PCMTD1: variants seen among roughly 807,000 people sequenced by gnomAD.
The protein encoded by PCMTD1 is protein-L-isoaspartate (D-aspartate) O-methyltransferase domain containing 1, also known as protein-L-isoaspartate O-methyltransferase domain-containing protein 1.
In PCMTD1, 12 loss-of-function variants were observed where a neutral mutation model predicts 37.6. The ratio of observed to expected loss-of-function variants is 0.32; its 90% confidence interval spans 0.20 to 0.52. PCMTD1 has a LOEUF of 0.52. Ranked by LOEUF, PCMTD1 falls within the 20% of genes least tolerant of loss-of-function variation. The pLI, the probability that PCMTD1 is intolerant of heterozygous loss-of-function variation, is 0.97. For synonymous variants in PCMTD1, 117 were observed against 135.8 expected (o/e 0.86, Z 0.96); for missense variants, 235 against 421.3 (o/e 0.56, Z 3.87).
intron 1 of PCMTD1, among the ~76,000 whole-genome samples, chr8:51,866,860 T>C (rs1373763818): frequency 6.6e-6 from 1 of 151,866 alleles, no homozygotes; most frequent in African/African-American, 2.4e-5. Flanking sequence ...TGATAACATA[T>C]ATTGAAAAAA....
chr8:51,896,323 C>T (rs950829580), intron 1 of PCMTD1: 44 of 152,166 alleles, frequency 2.9e-4, no homozygotes, highest in African/African-American at 1.0e-3. Flanking sequence ...TTATGACACC[C>T]TATTGTCTGT....
intron 1 of PCMTD1, among the ~76,000 whole-genome samples, chr8:51,866,711 T>G (rs533191113): frequency 5.3e-5 from 8 of 152,116 alleles, no homozygotes; most frequent in Admixed American, 5.2e-4. Context: ...TCCATTACAT[T>G]AGTCTGGGCA....
At chr8:51,827,964 G>A (rs7000570) in intron 5 of PCMTD1, among the ~76,000 whole-genome samples, 145,871 of 152,226 alleles carry the variant, frequency 0.96, 70,039 homozygotes, top group East Asian at 1. Context: ...CAAAATGCAA[G>A]TTGTGCATTC....
chr8:51,873,897 CTTT>C (rs923915180), intron 1 of PCMTD1, among the ~76,000 whole-genome samples: 2 of 148,468 alleles, frequency 1.3e-5, no homozygotes, highest in African/African-American at 2.5e-5. Flanking sequence ...TCAGGTATTT[CTTT>C]TTTTTTTCTT....
intron 1 of PCMTD1, among the ~76,000 whole-genome samples, chr8:51,863,720 A>C (rs1244380361): frequency 6.6e-6 from 1 of 152,170 alleles, no homozygotes; most frequent in African/African-American, 2.4e-5. Context: ...TCAGGAGCTC[A>C]AGACCAGCTT....
intron 1 of PCMTD1, among the ~76,000 whole-genome samples, chr8:51,872,602 C>A (rs114741444): frequency 3.6e-3 from 545 of 152,124 alleles, no homozygotes; most frequent in African/African-American, 0.012. Context: ...TTGAAAAAAA[C>A]AACACACATT....
At chr8:51,847,880 C>T (rs2038245215) in intron 2 of PCMTD1, among the ~76,000 whole-genome samples, 1 of 151,712 alleles carries the variant, frequency 6.6e-6, no homozygotes, top group Non-Finnish European at 1.5e-5. Context: ...GACTTCGAGA[C>T]CAGCCTGGGC....
chr8:51,847,617 ACT>A (rs944302176), intron 2 of PCMTD1, among the ~76,000 whole-genome samples: 6 of 151,886 alleles, frequency 4.0e-5, no homozygotes, highest in Admixed American at 6.6e-5. Flanking sequence ...ACAGAGCAAG[ACT>A]CTGTCTCAAA....
In PCMTD1 at chr8:51,818,659, T is replaced by C. The variant is rs1212632601; in HGVS notation, c.*1692A>G. On this transcript the variant is annotated 3_prime_UTR_variant, in exon 6 of 6. Transcript: ENST00000522514. ...AATCGTCTAAGAATAATTGTAGAAA[T>C]AACCCCAATTCCACCATCCCAGCCA... 1.3e-5 allele frequency: 2 copies of C among 152,336 alleles called. No individual in the cohort carries two copies. The highest frequency in any genetic ancestry group is 4.8e-5 in the African/African-American group (2 of 41,490). The allele number at this position is 152,336 out of a possible 1,614,324, so 9.4% of individuals were successfully genotyped here. A position where few individuals can be genotyped will look rare whatever the true frequency, so the allele number is the denominator to read the frequency against.
intron 1 of PCMTD1, among the ~76,000 whole-genome samples, chr8:51,872,461 C>G (rs911357089): frequency 1.3e-5 from 2 of 152,132 alleles, no homozygotes; most frequent in Non-Finnish European, 2.9e-5. Flanking sequence ...CTTATGGGAA[C>G]TGCAGCCTAG....
rs1172090352 is a variant in PCMTD1 at position 51,860,742 on chromosome 8, A to C, written c.307+103T>G. On this transcript the variant is annotated intron_variant, in intron 2 of 5. Transcript: ENST00000522514. ...AGGAAGATACCTACACTGTGTATAC[A>C]CATTCAAACATACTGTACACAAAGT... The C allele has an allele frequency of 8.3e-6, 8 of 958,664 alleles. No individual in the cohort carries two copies. In the Admixed American group the frequency reaches 2.0e-4, roughly 24 times the overall value. The allele number at this position is 958,664 out of a possible 1,614,324, so 59.4% of individuals were successfully genotyped here.
At chr8:51,885,792 G>T (rs753272053) in intron 1 of PCMTD1, among the ~76,000 whole-genome samples, 1 of 137,878 alleles carries the variant, frequency 7.3e-6, no homozygotes, top group Non-Finnish European at 1.6e-5. Flanking sequence ...GGTAACTGTC[G>T]GATAGACAGC....
intron 3 of PCMTD1, among the ~76,000 whole-genome samples, chr8:51,841,085 C>G (rs2038141293): frequency 2.0e-5 from 3 of 152,118 alleles, no homozygotes. Flanking sequence ...ACGTTTACAT[C>G]ATAAGAGCCA....
intron 3 of PCMTD1, among the ~76,000 whole-genome samples, chr8:51,844,499 T>C (rs562929860): frequency 5.9e-5 from 9 of 152,266 alleles, no homozygotes; most frequent in Middle Eastern, 3.4e-3. Context: ...CACTGTTAAG[T>C]ACTGAGGATT....
chr8:51,838,000 T>C (rs1174437300), intron 3 of PCMTD1, among the ~76,000 whole-genome samples: 2 of 152,108 alleles, frequency 1.3e-5, no homozygotes, highest in Admixed American at 1.3e-4. Flanking sequence ...TTGCCCAGGC[T>C]GGTTCTGAAC....
chr8:51,830,097 C>T lies in PCMTD1; in HGVS notation c.706+1347G>A, dbSNP rs78905723. On this transcript the variant is annotated intron_variant, in intron 5 of 5. Transcript: ENST00000522514. ...AACTTTTCTTTCTTGGTTTTCAACA[C>T]CCTGGGGACCTGACCCTAGTTTGCC... Among the ~76,000 whole-genome samples the T allele has an allele frequency of 4.6e-5, 7 of 152,282 alleles. No homozygotes were observed. The East Asian group carries it at 1.4e-3, about 29-fold the overall frequency.
intron 2 of PCMTD1, among the ~76,000 whole-genome samples, chr8:51,855,802 G>C (rs912106903): frequency 4.6e-5 from 7 of 151,880 alleles, no homozygotes; most frequent in Non-Finnish European, 1.0e-4. Flanking sequence ...TGCAACTACA[G>C]GCGCCTGCCA....
At position 51,879,781 on chromosome 8, in the gene PCMTD1, AT is replaced by A. The variant is rs2038766121; in HGVS notation, c.-95-18536del. Among the ~76,000 whole-genome samples, 3 of 152,238 alleles carry A rather than the reference AT, an allele frequency of 2.0e-5. No homozygotes were observed. In the South Asian group the frequency reaches 6.2e-4, roughly 31 times the overall value. ...TATCTGGCAAAGCACACAGTAAAAC[AT>A]CAAAATACAAAAACCAAACTGGGGG... On this transcript the variant is annotated intron_variant, in intron 1 of 5. Transcript: ENST00000522514.
intron 1 of PCMTD1, among the ~76,000 whole-genome samples, chr8:51,885,441 A>G (rs1585855398): frequency 1.3e-5 from 2 of 152,178 alleles, no homozygotes; most frequent in Non-Finnish European, 2.9e-5. Flanking sequence ...AGGACAATAT[A>G]TCATACAAAC....
Sources: gnomAD v4.1 joint callset for allele counts (sites outside exome capture counted in the v4.1 genomes callset) on GRCh38, gnomAD v4.1.1 for gene constraint, MANE v1.5 for transcripts, NCBI Gene and HGNC (gene_info 2026-07-23, HGNC 2026-07-21) for gene names.